SAFB2: variants seen among roughly 807,000 people sequenced by gnomAD.
SAFB2 encodes scaffold attachment factor B2.
Under a neutral mutation model 100.6 loss-of-function variants are expected in SAFB2, and 32 were observed. The ratio of observed to expected loss-of-function variants is 0.32; its 90% confidence interval spans 0.24 to 0.43. The LOEUF (loss-of-function observed/expected upper bound fraction) is 0.43, where lower values mean the gene tolerates loss of function less well. Ranked by LOEUF, SAFB2 falls within the 20% of genes least tolerant of loss-of-function variation. The pLI is 1.00. For missense variants in SAFB2, 1,185 were observed against 1,163.4 expected, an observed-to-expected ratio of 1.02 and a Z score of -0.27; for synonymous variants, 500 against 439.4, an observed-to-expected ratio of 1.14 and a Z score of -1.72.
At chr19:5,613,842 C>T (rs1313000867) in intron 4 of SAFB2, 1 of 642,510 alleles carries the variant, frequency 1.6e-6, no homozygotes, top group African/African-American at 2.0e-5. Flanking sequence ...CACAGGATTT[C>T]CAAAGCAGAA....
At chr19:5,614,566 CA>C (rs1292960213) in intron 4 of SAFB2, among the ~76,000 whole-genome samples, 1 of 152,206 alleles carries the variant, frequency 6.6e-6, no homozygotes, top group Non-Finnish European at 1.5e-5. Context: ...AATTTGGAGG[CA>C]ATGACTTTTG....
At chr19:5,619,971 G>C (rs1252851982) in intron 2 of SAFB2, among the ~76,000 whole-genome samples, 6 of 151,994 alleles carry the variant, frequency 3.9e-5, no homozygotes, top group African/African-American at 1.5e-4. Context: ...TTATTGTTAA[G>C]CAGTTTTCCC....
Position 5,611,920 on chromosome 19 carries a change from C to A in SAFB2, c.635-290G>T, listed in dbSNP as rs2052916755. 3 of 520,840 alleles carry A rather than the reference C, an allele frequency of 5.8e-6. No homozygotes were observed. The South Asian group carries it at 6.0e-5, about 10-fold the overall frequency. The allele number at this position is 520,840 out of a possible 1,614,324, so 32.3% of individuals were successfully genotyped here. On this transcript the variant is annotated intron_variant, in intron 6 of 20. Coordinates refer to ENST00000252542, the MANE Select transcript of SAFB2 (RefSeq NM_014649.3). Reference sequence around the variant, plus strand: ...GTCTTCTTCGAGTTTTTGTTCAAGTCTGGGTCTTCTGACTGATTTTCCAAT... The same window carrying A: ...GTCTTCTTCGAGTTTTTGTTCAAGTATGGGTCTTCTGACTGATTTTCCAAT...
At position 5,600,131 on chromosome 19, in the gene SAFB2, T is replaced by G. The variant is rs1433455546; in HGVS notation, c.1689A>C (p.Ser563=). 5 of 1,611,140 alleles carry G rather than the reference T, an allele frequency of 3.1e-6. No homozygotes were observed. Among genetic ancestry groups the G allele is most frequent in the Middle Eastern group, 1.7e-4 (1 of 6,052 alleles). The part of the protein sequence containing the change: ...GPTNRSRVTK[S]GSRGMERTVV... Reference sequence around the variant, plus strand: ...CAGCTCTTAAAAGGCTCTCCTCACCTGATTTGGTGACTCTAGACCGATTTG... The same window carrying G: ...CAGCTCTTAAAAGGCTCTCCTCACCGGATTTGGTGACTCTAGACCGATTTG... Residue 563 remains serine, a splice_region_variant and synonymous_variant, in exon 12 of 21, where the codon TCA becomes TCC. Coordinates refer to ENST00000252542, the MANE Select transcript of SAFB2 (RefSeq NM_014649.3).
intron 11 of SAFB2, among the ~76,000 whole-genome samples, chr19:5,600,616 T>C (rs543368797): frequency 1.3e-5 from 2 of 152,318 alleles, no homozygotes; most frequent in Non-Finnish European, 2.9e-5. Flanking sequence ...TCATCATGTA[T>C]GTGTGGAACA....
intron 9 of SAFB2, among the ~76,000 whole-genome samples, chr19:5,606,887 T>C (rs534782158): frequency 2.6e-5 from 4 of 152,300 alleles, no homozygotes; most frequent in South Asian, 4.1e-4. Flanking sequence ...CGATGGGAAC[T>C]TGGATATACA....
chr19:5,593,817 C>G (rs962729561), intron 15 of SAFB2, 74 bp downstream of exon 15: 1 of 1,356,388 alleles, frequency 7.4e-7, no homozygotes, highest in Non-Finnish European at 9.6e-7. Context: ...GAAGGGAAGC[C>G]GCTGTTCTGC....
At chr19:5,596,747 G>A (rs2052543603) in intron 13 of SAFB2, among the ~76,000 whole-genome samples, 1 of 152,110 alleles carries the variant, frequency 6.6e-6, no homozygotes, top group South Asian at 2.1e-4. Context: ...CTACACATCA[G>A]ACCCTCCCAG....
chr19:5,612,278 A>C, intron 6 of SAFB2: 2 of 524,382 alleles, frequency 3.8e-6, no homozygotes, highest in Non-Finnish European at 6.8e-6. Flanking sequence ...GGACGGGGGA[A>C]TTAAATGCCA....
intron 11 of SAFB2, among the ~76,000 whole-genome samples, chr19:5,601,660 C>T (rs997727724): frequency 2.0e-5 from 3 of 151,792 alleles, no homozygotes; most frequent in East Asian, 1.9e-4. Context: ...TGCAGTCAGC[C>T]GAGATGGCGC....
At chr19:5,597,275 G>A (rs1030909268) in intron 13 of SAFB2, among the ~76,000 whole-genome samples, 2 of 152,082 alleles carry the variant, frequency 1.3e-5, no homozygotes, top group African/African-American at 2.4e-5. Context: ...AAATTTAAAC[G>A]TTAAAAGAGG....
Position 5,593,933 on chromosome 19 carries a change from T to G in SAFB2, c.2165A>C (p.Glu722Ala), listed in dbSNP as rs1353893561. The G allele has an allele frequency of 3.9e-6, 6 of 1,550,298 alleles. No individual in the cohort carries two copies. The highest frequency in any genetic ancestry group is 1.4e-5 in the African/African-American group (1 of 72,466). The change falls in exon 15 of 21, where the codon GAG becomes GCG. Residue 722 changes from glutamate (E) to alanine (A), a missense_variant. By Grantham distance (107) the Glu-to-Ala change is moderately radical. Coordinates refer to ENST00000252542, the MANE Select transcript of SAFB2 (RefSeq NM_014649.3). ...LRRQQEQLRY[E>A]QERRPGRRPY... ...CCTCCGCCCGGGCCGCCGCTCCTGC[T>G]CGTAACGCAGCTGCTCCTGCTGGCG... is the stretch of plus-strand genomic sequence containing the variant.
chr19:5,615,208 A>G (rs1194796422), intron 4 of SAFB2, among the ~76,000 whole-genome samples: 2 of 152,194 alleles, frequency 1.3e-5, no homozygotes, highest in Non-Finnish European at 2.9e-5. Flanking sequence ...TAAAAAAATC[A>G]GCTGGGCGTG....
chr19:5,590,934 A>T (rs2052384593), intron 17 of SAFB2, among the ~76,000 whole-genome samples: 1 of 152,096 alleles, frequency 6.6e-6, no homozygotes. Context: ...GCTTTCTCAG[A>T]ACTCACACCC....
Position 5,621,322 on chromosome 19 carries a change from C to T in SAFB2, c.261G>A (p.Lys87=), listed in dbSNP as rs766428590. 6.2e-7 allele frequency: 1 copy of T among 1,611,946 alleles called. No homozygotes were observed. The change falls in exon 2 of 21, where the codon AAG becomes AAA. Residue 87 remains lysine (K), a synonymous_variant. Coordinates refer to ENST00000252542, the MANE Select transcript of SAFB2 (RefSeq NM_014649.3). ...ELEATSKKSA[K]RCVKGLKMEE... ...TATGTACAATACCTTTAACACATCT[C>T]TTGGCTGACTTCTTGCTGGTGGCTT...
chr19:5,590,461 C>A lies in SAFB2; in HGVS notation c.2395-53G>T, dbSNP rs1035641165. ...CACTGACCATGTCACCCACATAGGC[C>A]CACCTTCCGGAAGGCCTGTCCACTG... is the stretch of plus-strand genomic sequence containing the variant. On this transcript the variant is annotated intron_variant, in intron 17 of 20. Coordinates refer to ENST00000252542, the MANE Select transcript of SAFB2 (RefSeq NM_014649.3). 9 of 1,532,308 alleles carry A rather than the reference C, an allele frequency of 5.9e-6. No homozygotes were observed. The Admixed American group carries it at 1.7e-4, about 30-fold the overall frequency. 94.9% of individuals were successfully genotyped at this position (1,532,308 alleles called of 1,614,324 possible).
chr19:5,622,342 G>A (rs148549487), intron 1 of SAFB2, among the ~76,000 whole-genome samples, 188 bp downstream of exon 1: 1,541 of 152,286 alleles, frequency 0.01, 19 homozygotes, highest in South Asian at 0.014. Flanking sequence ...AGGAAGGGAG[G>A]CACAGAGAGG....
intron 17 of SAFB2, 115 bp downstream of exon 17, chr19:5,591,633 G>A (rs748218474): frequency 1.3e-5 from 12 of 939,850 alleles, no homozygotes; most frequent in East Asian, 1.0e-4. Context: ...CCCGCCACAC[G>A]TGCTGACTTG....
At position 5,587,163 on chromosome 19, in the gene SAFB2, G is replaced by C. The variant is rs565893901; in HGVS notation, c.*80C>G. 3 of 1,563,992 alleles carry C rather than the reference G, an allele frequency of 1.9e-6. No individual in the cohort carries two copies. The South Asian group carries it at 3.5e-5, about 18-fold the overall frequency. ...GCAGGATTTACTTTGCTTTTAAAAAGATCCCCCAAGTTCGAGGGAACCCTG... is the reference window on the plus strand; with the variant it reads ...GCAGGATTTACTTTGCTTTTAAAAACATCCCCCAAGTTCGAGGGAACCCTG... On this transcript the variant is annotated 3_prime_UTR_variant, in exon 21 of 21. Transcript: ENST00000252542. The surrounding 1 kb of genome is among the most constrained non-coding windows in gnomAD (Gnocchi z 4.9).
Sources: gnomAD v4.1 joint callset for allele counts (sites outside exome capture counted in the v4.1 genomes callset) on GRCh38, gnomAD v4.1.1 for gene constraint, Gnocchi (gnomAD v3.1) non-coding constraint, MANE v1.5 for transcripts, NCBI Gene and HGNC (gene_info 2026-07-23, HGNC 2026-07-21) for gene names.